The following FLG2 variants were observed in gnomAD, a reference collection of about 807,000 sequenced individuals.
The protein encoded by FLG2 is filaggrin 2, also known as filaggrin-2.
FLG2 carries 7 observed loss-of-function variants against 3.9 expected under a neutral mutation model. That is an observed-to-expected ratio of 1.79 (90% CI 1.02 to 3.36). The LOEUF (loss-of-function observed/expected upper bound fraction) is 3.36. FLG2 is among the 30% of genes most tolerant of loss of function. The pLI is 0.00. For synonymous variants in FLG2, 1,031 were observed against 1,056.1 expected, an observed-to-expected ratio of 0.98 and a Z score of 0.46; for missense variants, 2,700 against 2,809.4, an observed-to-expected ratio of 0.96 and a Z score of 0.88.
rs983983154 is a variant in FLG2 at position 152,349,539 on chromosome 1, T to G, written c.*1071A>C. 6.6e-6 allele frequency: 1 copy of G among 152,644 alleles called. No individual in the cohort carries two copies. Among genetic ancestry groups the G allele is most frequent in the Non-Finnish European group, 1.5e-5 (1 of 68,044 alleles). The allele number at this position is 152,644 out of a possible 1,614,324, so 9.5% of individuals were successfully genotyped here. A position where few individuals can be genotyped will look rare whatever the true frequency, so the allele number is the denominator to read the frequency against. Reference sequence around the variant, plus strand: ...AAAGTAATATAGTACAGAACTATAGTTAAAATGAAAGAACAGACATATACC... The same window carrying G: ...AAAGTAATATAGTACAGAACTATAGGTAAAATGAAAGAACAGACATATACC... On this transcript the variant is annotated 3_prime_UTR_variant, in exon 3 of 3. Transcript: ENST00000388718.
At position 152,354,219 on chromosome 1, in the gene FLG2, G is replaced by T. The variant is rs781257142; in HGVS notation, c.3567C>A (p.Phe1189Leu). The T allele has an allele frequency of 1.2e-6, 2 of 1,614,072 alleles. No homozygotes were observed. Among genetic ancestry groups the T allele is most frequent in the East Asian group, 4.5e-5 (2 of 44,882 alleles). The change falls in exon 3 of 3, where the codon TTC becomes TTA. Residue 1189 changes from phenylalanine to leucine, a missense_variant. Coordinates refer to ENST00000388718, the MANE Select transcript of FLG2 (RefSeq NM_001014342.3). ...FGQHVSGSDN[F>L]SSSGQHISDS... Reference sequence around the variant, plus strand: ...CAGATATATGTTGTCCAGAACTAGAGAAATTGTCTGAGCCAGACACATGCT... The same window carrying T: ...CAGATATATGTTGTCCAGAACTAGATAAATTGTCTGAGCCAGACACATGCT...
chr1:152,352,472 C>T lies in FLG2; in HGVS notation c.5314G>A (p.Gly1772Arg), dbSNP rs1388782332. The T allele has an allele frequency of 1.2e-6, 2 of 1,613,010 alleles. No homozygotes were observed. Among genetic ancestry groups the T allele is most frequent in the Non-Finnish European group, 1.7e-6 (2 of 1,179,744 alleles). Residue 1772 changes from glycine to arginine, a missense_variant, in exon 3 of 3, where the codon GGA becomes AGA. Transcript: ENST00000388718. ...IVHERHGTIH[G>R]QTGDTTRHAH... Reference sequence around the variant, plus strand: ...TGTCTGGTGGTATCGCCTGTCTGTCCATGTATAGTTCCATGTCTCTCATGA... The same window carrying T: ...TGTCTGGTGGTATCGCCTGTCTGTCTATGTATAGTTCCATGTCTCTCATGA...
At position 152,351,639 on chromosome 1, in the gene FLG2, G is replaced by T. The variant is rs146074268; in HGVS notation, c.6147C>A (p.His2049Gln). 12 of 1,611,382 alleles carry T rather than the reference G, an allele frequency of 7.4e-6. No individual in the cohort carries two copies. The East Asian group carries it at 2.5e-4, about 33-fold the overall frequency. ...HSGVSHTHSG[H>Q]AHGQAGSQHG... ...GTTGAGATCCGGCTTGGCCATGAGC[G>T]TGTCCTGAATGTGTGTGTGAGACCC... The change falls in exon 3 of 3, where the codon CAC becomes CAA. Residue 2049 changes from histidine to glutamine, a missense_variant. Transcript: ENST00000388718.
At position 152,352,587 on chromosome 1, in the gene FLG2, G is replaced by T; in HGVS notation, c.5199C>A (p.Asp1733Glu). Residue 1733 changes from aspartate (D) to glutamate (E), a missense_variant, in exon 3 of 3, where the codon GAC becomes GAA. Transcript: ENST00000388718. ...GTGAGACTCCTGAGTACCCTTCACTGTCACTGTACTCACTGTGGCCAGATC... is the reference window on the plus strand; with the variant it reads ...GTGAGACTCCTGAGTACCCTTCACTTTCACTGTACTCACTGTGGCCAGATC... ...RRGSGHSEYS[D>E]SEGYSGVSHT... 2 of 1,613,842 alleles carry T rather than the reference G, an allele frequency of 1.2e-6. No homozygotes were observed. The highest frequency in any genetic ancestry group is 1.7e-6 in the Non-Finnish European group (2 of 1,179,912).
At position 152,353,313 on chromosome 1, in the gene FLG2, G is replaced by A. The variant is rs372135291; in HGVS notation, c.4473C>T (p.Ser1491=). The change falls in exon 3 of 3, where the codon TCC becomes TCT. Residue 1491 remains serine, a synonymous_variant. Coordinates refer to ENST00000388718, the MANE Select transcript of FLG2 (RefSeq NM_001014342.3). The stretch of plus-strand genomic sequence containing the variant: ...CAGATCCCCTTCTTCCAGTTGTACT[G>A]GACCCTCTCTGTGTGGATTTTCCAT... ...YHHGKSTQRG[S]STTGRRGSGH... is the part of the protein sequence containing the mutation. The A allele has an allele frequency of 1.2e-6, 2 of 1,612,904 alleles. No individual in the cohort carries two copies. The highest frequency in any genetic ancestry group is 1.7e-5 in the Admixed American group (1 of 59,780).
In FLG2 at chr1:152,357,229, C is replaced by T. The variant is rs1011397791; in HGVS notation, c.557G>A (p.Cys186Tyr). 10 of 1,614,106 alleles carry T rather than the reference C, an allele frequency of 6.2e-6. No individual in the cohort carries two copies. Among genetic ancestry groups the T allele is most frequent in the African/African-American group, 2.7e-5 (2 of 74,950 alleles). The change falls in exon 3 of 3, where the codon TGT becomes TAT. Residue 186 changes from cysteine (C) to tyrosine (Y), a missense_variant. Physicochemically the swap from Cys to Tyr is radical, Grantham distance 194. Transcript: ENST00000388718. ...TTTGCCACCACTCCATGAATGACCACAGCTGGACCTGTGGTATCTTTTCTG... is the reference window on the plus strand; with the variant it reads ...TTTGCCACCACTCCATGAATGACCATAGCTGGACCTGTGGTATCTTTTCTG... ...GSQKRYHRSS[C>Y]GHSWSGGKDR...
chr1:152,358,702 T>C lies in FLG2; in HGVS notation c.138+45A>G, dbSNP rs771019723. 14 of 1,588,568 alleles carry C rather than the reference T, an allele frequency of 8.8e-6. No homozygotes were observed. In the South Asian group the frequency reaches 1.6e-4, roughly 18 times the overall value. On this transcript the variant is annotated intron_variant, in intron 2 of 2. Coordinates refer to ENST00000388718, the MANE Select transcript of FLG2 (RefSeq NM_001014342.3). ...CTGATCTGGGTCATACAACAGAGCT[T>C]GTACAGGACTCCAGCAGCCTTCAGT... is the stretch of plus-strand genomic sequence containing the variant.
In FLG2 at chr1:152,354,874, G is replaced by A. The variant is rs747717057; in HGVS notation, c.2912C>T (p.Ser971Phe). The change falls in exon 3 of 3, where the codon TCC becomes TTC. Residue 971 changes from serine to phenylalanine, a missense_variant. Coordinates refer to ENST00000388718, the MANE Select transcript of FLG2 (RefSeq NM_001014342.3). ...FGQHGSGSGQ[S>F]SGFGQHESGS... is the part of the protein sequence containing the mutation. ...TGACTCATGTTGTCCAAAGCCAGAGGACTGACCTGAGCCTGATCCATGTTG... is the reference window on the plus strand; with the variant it reads ...TGACTCATGTTGTCCAAAGCCAGAGAACTGACCTGAGCCTGATCCATGTTG... The A allele has an allele frequency of 2.5e-6, 4 of 1,613,740 alleles. No homozygotes were observed. The African/African-American group carries it at 5.3e-5, about 22-fold the overall frequency.
In FLG2 at chr1:152,355,148, G is replaced by A. The variant is rs771141891; in HGVS notation, c.2638C>T (p.Gln880Ter). 5.7e-5 allele frequency: 88 copies of A among 1,554,704 alleles called. 11 individuals carry two copies. Among genetic ancestry groups the A allele is most frequent in the Non-Finnish European group, 7.3e-5 (84 of 1,153,486 alleles). ...CCATGTTGTCCAAAGCCAGAGTATT[G>A]ACCTGAGCTTGACCTGTGTTGTCCA... ...GFGQHRSSSG[Q>*]YSGFGQHGSG... Residue 880 changes from glutamine to a stop codon, truncating the protein, a stop_gained, in exon 3 of 3, where the codon CAA (glutamine) becomes TAA (stop). Transcript: ENST00000388718. LOFTEE classifies it low-confidence loss of function (END_TRUNC).
Position 152,351,262 on chromosome 1 carries a change from C to T in FLG2, c.6524G>A (p.Arg2175Lys). The change falls in exon 3 of 3, where the codon AGA becomes AAA. Residue 2175 changes from arginine (R) to lysine (K), a missense_variant. Physicochemically the swap from Arg to Lys is conservative, Grantham distance 26. Coordinates refer to ENST00000388718, the MANE Select transcript of FLG2 (RefSeq NM_001014342.3). The part of the protein sequence containing the change: ...STQTGSRTTG[R>K]QRSSHSESSD... ...GGACTCACTGTGACTAGATCTTTGT[C>T]TTCCAGTTGTCCTGGAACCTGTCTG... The T allele has an allele frequency of 6.2e-7, 1 of 1,613,008 alleles. No homozygotes were observed. The highest frequency in any genetic ancestry group is 8.5e-7 in the Non-Finnish European group (1 of 1,179,736).
rs1570936615 is a variant in FLG2 at position 152,351,756 on chromosome 1, A to C, written c.6030T>G (p.Ser2010=). The C allele has an allele frequency of 1.9e-6, 3 of 1,611,112 alleles. No homozygotes were observed. Among genetic ancestry groups the C allele is most frequent in the Non-Finnish European group, 2.5e-6 (3 of 1,179,520 alleles). Residue 2010 remains serine (S), a synonymous_variant, in exon 3 of 3, where the codon TCT becomes TCG. Transcript: ENST00000388718. ...CTCTCTGTGTGGACTGTCCATGACC[A>C]GAGTGGCCATGTCTAGTGGTATCTG... ...QTADTTRHGH[S]GHGQSTQRGS... is the part of the protein sequence containing the mutation.
At position 152,355,535 on chromosome 1, in the gene FLG2, C is replaced by G; in HGVS notation, c.2251G>C (p.Gly751Arg). Residue 751 changes from glycine (G) to arginine (R), a missense_variant, in exon 3 of 3, where the codon GGC becomes CGC. Coordinates refer to ENST00000388718, the MANE Select transcript of FLG2 (RefSeq NM_001014342.3). Reference protein sequence around the residue: ...QSSGFGQHGSGSGQSSGFGQH... With the variant: ...QSSGFGQHGSRSGQSSGFGQH... ...CCAAAGCCAGAGGATTGTCCTGAGC[C>G]AGACCCATGTTGTCCAAAGCCAGAG... is the stretch of plus-strand genomic sequence containing the variant. The G allele has an allele frequency of 1.2e-6, 2 of 1,613,506 alleles. No individual in the cohort carries two copies. Among genetic ancestry groups the G allele is most frequent in the Non-Finnish European group, 8.5e-7 (1 of 1,179,928 alleles).
Position 152,354,665 on chromosome 1 carries a change from G to A in FLG2, c.3121C>T (p.His1041Tyr), listed in dbSNP as rs1654121439. The A allele has an allele frequency of 2.5e-6, 4 of 1,613,884 alleles. No homozygotes were observed. Among genetic ancestry groups the A allele is most frequent in the Non-Finnish European group, 3.4e-6 (4 of 1,179,976 alleles). Residue 1041 changes from histidine (H) to tyrosine (Y), a missense_variant, in exon 3 of 3, where the codon CAT becomes TAT. By Grantham distance (83) the His-to-Tyr change is moderately conservative (BLOSUM62 2). Transcript: ENST00000388718. ...GAGGACTGATCTGAGCCTGATCCATGTTGTCCAAAGCCTGAGTATTGGCCT... is the reference window on the plus strand; with the variant it reads ...GAGGACTGATCTGAGCCTGATCCATATTGTCCAAAGCCTGAGTATTGGCCT... ...SSGQYSGFGQ[H>Y]GSGSDQSSGF... is the part of the protein sequence containing the mutation.
In FLG2 at chr1:152,352,715, TC is replaced by T. The variant is rs755533237; in HGVS notation, c.5070del (p.Arg1691AspfsTer22). On this transcript the variant is annotated frameshift_variant, in exon 3 of 3. Coordinates refer to ENST00000388718, the MANE Select transcript of FLG2 (RefSeq NM_001014342.3). LOFTEE classifies it low-confidence loss of function (END_TRUNC). ...QHGQSESIVP[E>X]RHGTTHGQTG... The stretch of plus-strand genomic sequence containing the variant: ...GTCTGTCCATGAGTAGTTCCATGTC[TC>T]TCAGGAACTATGGATTCTGACTGTC... The T allele has an allele frequency of 1.9e-6, 3 of 1,613,770 alleles. No homozygotes were observed. Among genetic ancestry groups the T allele is most frequent in the Non-Finnish European group, 2.5e-6 (3 of 1,179,870 alleles).
rs779084079 is a variant in FLG2, at chr1:152,353,772, T to C, written c.4014A>G (p.Arg1338=). Residue 1338 remains arginine, a synonymous_variant, in exon 3 of 3, where the codon AGA becomes AGG. Transcript: ENST00000388718. The part of the protein sequence containing the change: ...GHGQSTQTGS[R]TSGRQRFSHS... Reference sequence around the variant, plus strand: ...GGCTAAATCTCTGTCTTCCAGATGTTCTGGAACCTGTCTGTGTAGACTGTC... The same window carrying C: ...GGCTAAATCTCTGTCTTCCAGATGTCCTGGAACCTGTCTGTGTAGACTGTC... 6 of 1,613,618 alleles carry C rather than the reference T, an allele frequency of 3.7e-6. No homozygotes were observed. Among genetic ancestry groups the C allele is most frequent in the Non-Finnish European group, 5.1e-6 (6 of 1,179,838 alleles).
chr1:152,351,869 C>A lies in FLG2; in HGVS notation c.5917G>T (p.Gly1973Ter). 6.2e-7 allele frequency: 1 copy of A among 1,613,226 alleles called. No homozygotes were observed. The highest frequency in any genetic ancestry group is 8.5e-7 in the Non-Finnish European group (1 of 1,179,842). The change falls in exon 3 of 3, where the codon GGA (glycine) becomes TGA (stop). Residue 1973 changes from glycine to a stop codon, truncating the protein, a stop_gained. Coordinates refer to ENST00000388718, the MANE Select transcript of FLG2 (RefSeq NM_001014342.3). LOFTEE classifies it low-confidence loss of function (END_TRUNC). ...GATCCAGCTTGACCGTGAGTGTGTC[C>A]TGAATGTGTGTGTGAGACCCCTGAG... ...GPSGVSHTHS[G>*]HTHGQAGSHY...
At position 152,351,654 on chromosome 1, in the gene FLG2, G is replaced by T. The variant is rs1229862814; in HGVS notation, c.6132C>A (p.His2044Gln). Residue 2044 changes from histidine (H) to glutamine (Q), a missense_variant, in exon 3 of 3, where the codon CAC becomes CAA. His to Gln is a conservative substitution (Grantham distance 24). Transcript: ENST00000388718. The part of the protein sequence containing the change: ...SDSEGHSGVS[H>Q]THSGHAHGQA... ...GGCCATGAGCGTGTCCTGAATGTGT[G>T]TGTGAGACCCCTGAGTGCCCTTCAC... 9.9e-6 allele frequency: 16 copies of T among 1,611,110 alleles called. No homozygotes were observed. The highest frequency in any genetic ancestry group is 1.3e-5 in the Non-Finnish European group (15 of 1,179,472).
At chr1:152,359,686 C>T (rs182434193) in intron 1 of FLG2, among the ~76,000 whole-genome samples, 8 of 152,086 alleles carry the variant, frequency 5.3e-5, no homozygotes, top group East Asian at 1.9e-4. Flanking sequence ...GAAAAAGACT[C>T]GGAACAGACT....
Position 152,358,763 on chromosome 1 carries a change from AGC to A in FLG2, c.120_121del (p.Glu40AspfsTer10). ...GGCTCTCACCTTCAGAACTGGATGA[AGC>A]TCTTTCTCCAGAAGTTCCTTTAGTT... On this transcript the variant is annotated frameshift_variant, in exon 2 of 3. Transcript: ENST00000388718. LOFTEE classifies it low-confidence loss of function (END_TRUNC). 3 of 1,613,588 alleles carry A rather than the reference AGC, an allele frequency of 1.9e-6. No individual in the cohort carries two copies. Among genetic ancestry groups the A allele is most frequent in the Non-Finnish European group, 2.5e-6 (3 of 1,179,804 alleles).
Sources: gnomAD v4.1 joint callset for allele counts (sites outside exome capture counted in the v4.1 genomes callset) on GRCh38, gnomAD v4.1.1 for gene constraint, MANE v1.5 for transcripts, NCBI Gene and HGNC (gene_info 2026-07-23, HGNC 2026-07-21) for gene names.